Variants in PAK1 observed in about 807,000 individuals in gnomAD.
PAK1 encodes serine/threonine-protein kinase PAK 1.
In PAK1, 29 loss-of-function variants were observed where a neutral mutation model predicts 67.4. The ratio of observed to expected loss-of-function variants is 0.43; its 90% CI spans 0.32 to 0.59. The LOEUF is 0.59. Among genes scored for constraint, PAK1 ranks in the 20% least tolerant of loss-of-function variants. The pLI, the probability that PAK1 is intolerant of heterozygous loss-of-function variation, is 0.07. For synonymous variants in PAK1, 223 were observed against 237.4 expected (o/e 0.94, Z 0.56); for missense variants, 337 against 670.7 (o/e 0.50, Z 5.50).
At chr11:77,376,736 C>CAAAAA (rs35882567) in intron 4 of PAK1, among the ~76,000 whole-genome samples, 3 of 75,248 alleles carry the variant, frequency 4.0e-5, no homozygotes, top group Non-Finnish European at 4.9e-5. Context: ...GACTCCATCT[C>CAAAAA]AAAAAAAAAA....
chr11:77,441,218 T>C (rs1055900747), intron 1 of PAK1, among the ~76,000 whole-genome samples: 2 of 150,954 alleles, frequency 1.3e-5, no homozygotes, highest in Non-Finnish European at 3.0e-5. Flanking sequence ...AAAAAAAAAA[T>C]CTAAAGGAAA....
At chr11:77,361,485 G>A (rs2602474) in intron 5 of PAK1, among the ~76,000 whole-genome samples, 10,382 of 152,094 alleles carry the variant, frequency 0.068, 810 homozygotes, top group East Asian at 0.25. Flanking sequence ...TCAGAGAGGC[G>A]GTAATAAAAA....
intron 14 of PAK1, among the ~76,000 whole-genome samples, chr11:77,325,998 A>G (rs1443493962): frequency 6.6e-6 from 1 of 152,200 alleles, no homozygotes; most frequent in African/African-American, 2.4e-5. Flanking sequence ...AACACAGGGC[A>G]GTATGCCCTG....
the PAK1 span, among the ~76,000 whole-genome samples, chr11:77,498,691 ATTTTTTTTTTTTTT>A: frequency 4.2e-4 from 30 of 72,054 alleles, no homozygotes; most frequent in African/African-American, 1.5e-3. Flanking sequence ...CTTGCTTGTA[ATTTTTTTTTTTTTT>A]TTTTTTTTTT....
intron 4 of PAK1, among the ~76,000 whole-genome samples, chr11:77,375,733 T>C (rs1285544870): frequency 6.6e-6 from 1 of 152,214 alleles, no homozygotes; most frequent in African/African-American, 2.4e-5. Context: ...GACCAGGTAA[T>C]GTCTTCAGTT....
intron 1 of PAK1, among the ~76,000 whole-genome samples, chr11:77,395,655 C>T (rs558470): frequency 0.24 from 36,732 of 152,006 alleles, 5,049 homozygotes; most frequent in Non-Finnish European, 0.31. Context: ...TTTCTCCCTT[C>T]TCTGACTGAT....
intron 9 of PAK1, among the ~76,000 whole-genome samples, chr11:77,348,310 G>A (rs1944738361): frequency 6.6e-6 from 1 of 152,188 alleles, no homozygotes; most frequent in African/African-American, 2.4e-5. Flanking sequence ...TTCATTGGCT[G>A]ACACTCCTAC....
chr11:77,452,684 T>C (rs906142502), intron 1 of PAK1, among the ~76,000 whole-genome samples: 10 of 151,492 alleles, frequency 6.6e-5, no homozygotes, highest in Non-Finnish European at 1.2e-4. Flanking sequence ...CACCAAAGAG[T>C]AGAAATTACC....
chr11:77,514,750 T>G, the PAK1 span, among the ~76,000 whole-genome samples: 28 of 152,156 alleles, frequency 1.8e-4, no homozygotes, highest in African/African-American at 6.5e-4. Context: ...GCTCCTAACA[T>G]GAGATCAGCA....
At chr11:77,523,983 G>A in the PAK1 span, among the ~76,000 whole-genome samples, 2 of 152,126 alleles carry the variant, frequency 1.3e-5, no homozygotes, top group Non-Finnish European at 2.9e-5. Context: ...TCCAATCAGA[G>A]AGAAAGGTTC....
intron 5 of PAK1, among the ~76,000 whole-genome samples, chr11:77,372,336 G>T (rs915141206): frequency 6.6e-6 from 1 of 152,112 alleles, no homozygotes; most frequent in East Asian, 1.9e-4. Flanking sequence ...AGTATAGGCT[G>T]GGAATCAGAT....
At chr11:77,417,801 C>T (rs1250527932) in intron 1 of PAK1, among the ~76,000 whole-genome samples, 1 of 151,080 alleles carries the variant, frequency 6.6e-6, no homozygotes, top group Non-Finnish European at 1.5e-5. Context: ...ATGGTGTGAT[C>T]CTGGCTCACT....
intron 5 of PAK1, among the ~76,000 whole-genome samples, chr11:77,370,242 T>G (rs1332650617): frequency 3.3e-5 from 5 of 152,204 alleles, no homozygotes; most frequent in Non-Finnish European, 7.4e-5. Flanking sequence ...GTATTTTCCT[T>G]CACTGCAGAG....
At chr11:77,381,463 T>C (rs1949825709) in intron 2 of PAK1, among the ~76,000 whole-genome samples, 1 of 152,222 alleles carries the variant, frequency 6.6e-6, no homozygotes, top group Non-Finnish European at 1.5e-5. Context: ...CCTACAATCA[T>C]TAAGTAATTA....
intron 7 of PAK1, among the ~76,000 whole-genome samples, 190 bp from the exon 8 acceptor site, chr11:77,353,789 T>C (rs903959276): frequency 2.0e-5 from 3 of 152,188 alleles, no homozygotes; most frequent in African/African-American, 7.2e-5. Context: ...TTGACTGCTT[T>C]GATTCATAGT....
intron 5 of PAK1, among the ~76,000 whole-genome samples, chr11:77,372,925 T>C (rs1948626933): frequency 6.6e-6 from 1 of 152,174 alleles, no homozygotes; most frequent in Admixed American, 6.5e-5. Context: ...GTTTACCAAA[T>C]GCCAAGACTT....
chr11:77,330,919 G>A (rs1387358765), intron 14 of PAK1, among the ~76,000 whole-genome samples: 2 of 151,982 alleles, frequency 1.3e-5, no homozygotes, highest in Non-Finnish European at 2.9e-5. Context: ...AATCTACAAC[G>A]AACTCAAACA....
At chr11:77,360,289 A>G (rs1946608751) in intron 5 of PAK1, among the ~76,000 whole-genome samples, 1 of 152,154 alleles carries the variant, frequency 6.6e-6, no homozygotes, top group African/African-American at 2.4e-5. Context: ...GGGCATATAT[A>G]AGCAGTTGTG....
intron 1 of PAK1, among the ~76,000 whole-genome samples, chr11:77,435,186 T>C (rs1956064289): frequency 6.6e-6 from 1 of 150,812 alleles, no homozygotes; most frequent in African/African-American, 2.4e-5. Context: ...TTGTATACAC[T>C]CTAAGTAGGT....
Sources: allele counts gnomAD v4.1 joint callset (sites outside exome capture counted in the v4.1 genomes callset), GRCh38; gene constraint gnomAD v4.1.1; transcripts MANE v1.5; gene names NCBI Gene and HGNC (gene_info 2026-07-23, HGNC 2026-07-21).